WDPCP: variants seen among roughly 807,000 people sequenced by gnomAD.
WDPCP encodes the protein WD repeat containing planar cell polarity effector, also known as WD repeat-containing and planar cell polarity effector protein fritz homolog.
WDPCP carries 71 observed loss-of-function variants against 93.1 expected under a neutral mutation model. That is an observed-to-expected ratio of 0.76 (90% confidence interval 0.63 to 0.93). The LOEUF (loss-of-function observed/expected upper bound fraction) is 0.93, where lower values mean the gene tolerates loss of function less well. WDPCP is among the 40% of genes least tolerant of loss of function. The pLI, the probability that WDPCP is intolerant of heterozygous loss-of-function variation, is 0.00. For missense variants in WDPCP, 844 were observed against 887.4 expected (o/e 0.95, Z 0.62); for synonymous variants, 315 against 315.0 (o/e 1.00, Z 0.00).
chr2:63,399,871 A>C (rs886507100), intron 10 of WDPCP, among the ~76,000 whole-genome samples: 1 of 152,208 alleles, frequency 6.6e-6, no homozygotes, highest in African/African-American at 2.4e-5. Flanking sequence ...AAAAGAACAT[A>C]GGTCTCACAT....
intron 2 of WDPCP, among the ~76,000 whole-genome samples, chr2:63,738,898 C>A (rs923565795): frequency 1.3e-5 from 2 of 152,008 alleles, no homozygotes; most frequent in Non-Finnish European, 2.9e-5. Context: ...TATTAACTCC[C>A]AAGGTTACTA....
intron 1 of WDPCP, among the ~76,000 whole-genome samples, chr2:63,532,539 A>T (rs982454065): frequency 6.6e-6 from 1 of 152,232 alleles, no homozygotes; most frequent in Admixed American, 6.5e-5. Flanking sequence ...GCCAGAATAC[A>T]GTGGGGGCCA....
chr2:63,324,398 C>G, intron 12 of WDPCP, among the ~76,000 whole-genome samples: 1 of 152,056 alleles, frequency 6.6e-6, no homozygotes, highest in South Asian at 2.1e-4. Flanking sequence ...CCACAAAAAC[C>G]CCCGGGCTAT....
At chr2:63,514,424 G>A (rs545053296) in intron 1 of WDPCP, among the ~76,000 whole-genome samples, 3 of 152,122 alleles carry the variant, frequency 2.0e-5, no homozygotes, top group Admixed American at 6.6e-5. Context: ...CTGATGGTCC[G>A]TTTAACTACA....
chr2:63,575,432 A>ATATAGTG (rs1707927163), intron 1 of WDPCP, among the ~76,000 whole-genome samples: 1 of 98,588 alleles, frequency 1.0e-5, no homozygotes, highest in Non-Finnish European at 2.1e-5. Context: ...TATACAGTGT[A>ATATAGTG]TATACAGTGT....
At chr2:63,764,567 T>TAAAA (rs1670111294) in intron 2 of WDPCP, among the ~76,000 whole-genome samples, 1 of 152,110 alleles carries the variant, frequency 6.6e-6, no homozygotes, top group African/African-American at 2.4e-5. Flanking sequence ...GTAGATATGG[T>TAAAA]AAGTGATTAA....
intron 14 of WDPCP, among the ~76,000 whole-genome samples, chr2:63,198,975 G>A (rs887994398): frequency 4.6e-5 from 7 of 152,172 alleles, no homozygotes; most frequent in Non-Finnish European, 1.0e-4. Context: ...AACTTACTGG[G>A]AACTGGAGTA....
intron 6 of WDPCP, chr2:63,441,684 A>T (rs1490412199): frequency 6.6e-6 from 1 of 152,080 alleles, no homozygotes; most frequent in Admixed American, 6.6e-5. Flanking sequence ...TATGACATGG[A>T]TGTTCCTTCT....
chr2:63,174,154 ATAT>A (rs988669194), intron 15 of WDPCP, among the ~76,000 whole-genome samples: 1 of 152,086 alleles, frequency 6.6e-6, no homozygotes, highest in African/African-American at 2.4e-5. Flanking sequence ...ATCATAATTA[ATAT>A]TATAATTATC....
intron 1 of WDPCP, among the ~76,000 whole-genome samples, chr2:63,549,969 A>T (rs951685259): frequency 2.0e-5 from 3 of 151,960 alleles, no homozygotes; most frequent in African/African-American, 7.3e-5. Context: ...GCCATCTCCC[A>T]CTGCTTCCCT....
chr2:63,578,747 T>A (rs1044468156), intron 1 of WDPCP, among the ~76,000 whole-genome samples: 2 of 152,164 alleles, frequency 1.3e-5, no homozygotes, highest in African/African-American at 4.8e-5. Context: ...AGGTTATTGA[T>A]AAAACACTAG....
At position 63,515,672 on chromosome 2, in the gene WDPCP, T is replaced by C. The variant is rs535008135; in HGVS notation, c.76-22732A>G. ...AAGGAGAAAGTTCTCTTCTCAGTTA[T>C]TTATAGAGCCCCTACTATGTGTTGA... On this transcript the variant is annotated intron_variant, in intron 1 of 17. Transcript: ENST00000272321. Among the ~76,000 whole-genome samples the C allele has an allele frequency of 4.9e-4, 75 of 152,356 alleles. 2 individuals are homozygous for C. Among genetic ancestry groups the C allele is most frequent in the African/African-American group, 1.7e-3 (72 of 41,564 alleles).
At chr2:63,182,933 G>C (rs1184753206) in intron 14 of WDPCP, among the ~76,000 whole-genome samples, 2 of 151,784 alleles carry the variant, frequency 1.3e-5, no homozygotes, top group Admixed American at 1.3e-4. Context: ...TGTGAGTGTA[G>C]AGGTGTTCAT....
intron 1 of WDPCP, among the ~76,000 whole-genome samples, chr2:63,543,907 G>A (rs1189266142): frequency 1.3e-5 from 2 of 151,966 alleles, no homozygotes; most frequent in Non-Finnish European, 2.9e-5. Flanking sequence ...TCAGTTTTTT[G>A]TTGTCGTATT....
At chr2:63,289,782 T>G (rs1309087314) in intron 13 of WDPCP, among the ~76,000 whole-genome samples, 1 of 151,994 alleles carries the variant, frequency 6.6e-6, no homozygotes, top group South Asian at 2.1e-4. Flanking sequence ...TTCATGCATT[T>G]GAAGCTCAGT....
chr2:63,237,273 A>G (rs749007381), intron 14 of WDPCP, among the ~76,000 whole-genome samples: 30 of 152,200 alleles, frequency 2.0e-4, no homozygotes, highest in Non-Finnish European at 1.9e-4. Flanking sequence ...TCAAAACCAC[A>G]ATGAGATACC....
At position 63,170,158 on chromosome 2, in the gene WDPCP, T is replaced by C. The variant is rs1166239384; in HGVS notation, c.2078+4512A>G. 2.0e-5 allele frequency among the ~76,000 whole-genome samples: 3 copies of C among 151,754 alleles called. 1 individual carries two copies. Among genetic ancestry groups the C allele is most frequent in the Non-Finnish European group, 4.4e-5 (3 of 67,928 alleles). On this transcript the variant is annotated intron_variant, in intron 15 of 17. Coordinates refer to ENST00000272321, the MANE Select transcript of WDPCP (RefSeq NM_015910.7). ...ATCCTCCCACCTTGGCCTCCCAAAG[T>C]GTTTGGATTACAGGTGCAAGCCACC...
At chr2:63,339,432 C>T (rs1688679135) in intron 12 of WDPCP, among the ~76,000 whole-genome samples, 1 of 152,156 alleles carries the variant, frequency 6.6e-6, no homozygotes, top group African/African-American at 2.4e-5. Context: ...CTCTGACTCC[C>T]AAAGTGTTGG....
At chr2:63,448,814 A>C (rs947473520) in intron 6 of WDPCP, among the ~76,000 whole-genome samples, 1 of 152,158 alleles carries the variant, frequency 6.6e-6, no homozygotes, top group Non-Finnish European at 1.5e-5. Context: ...AAAAAAGTAA[A>C]ACTCATAGCA....
Sources: allele counts gnomAD v4.1 joint callset (sites outside exome capture counted in the v4.1 genomes callset), GRCh38; gene constraint gnomAD v4.1.1; transcripts MANE v1.5; gene names NCBI Gene and HGNC (gene_info 2026-07-23, HGNC 2026-07-21).